The following PNPT1 variants were observed in gnomAD, a reference collection of about 807,000 sequenced individuals.
The protein encoded by PNPT1 is polyribonucleotide nucleotidyltransferase 1, mitochondrial.
PNPT1 carries 53 observed loss-of-function variants against 119.5 expected under a neutral mutation model. That is an observed-to-expected ratio of 0.44 (90% CI 0.36 to 0.56). PNPT1 has a LOEUF of 0.56. Ranked by LOEUF, PNPT1 falls within the 20% of genes least tolerant of loss-of-function variation. The pLI is 0.00. For synonymous variants in PNPT1, 357 were observed against 322.1 expected (o/e 1.11, Z -1.16); for missense variants, 948 against 938.5 (o/e 1.01, Z -0.13).
Position 55,656,430 on chromosome 2 carries a change from T to C in PNPT1, c.1285-59A>G, listed in dbSNP as rs192366640. The C allele has an allele frequency of 3.4e-3, 4,923 of 1,439,578 alleles. 16 individuals carry two copies. The highest frequency in any genetic ancestry group is 3.6e-3 in the Non-Finnish European group (3,769 of 1,052,600). The allele number at this position is 1,439,578 out of a possible 1,614,324, so 89.2% of individuals were successfully genotyped here. On this transcript the variant is annotated intron_variant, in intron 15 of 27. Transcript: ENST00000447944. ...AATTGACATAGAAAGATGTCCAAGT[T>C]ATATTACCAAAATAATAAAACAACT...
intron 26 of PNPT1, 52 bp from the exon 27 acceptor site, chr2:55,637,651 C>T: frequency 7.2e-7 from 1 of 1,386,904 alleles, no homozygotes; most frequent in Non-Finnish European, 1.0e-6. Context: ...TATGTAGTGT[C>T]CATGGAAGTA....
chr2:55,646,594 A>C (rs1401455606), intron 19 of PNPT1, 108 bp from the exon 20 acceptor site: 1 of 801,184 alleles, frequency 1.2e-6, no homozygotes, highest in Non-Finnish European at 2.0e-6. Context: ...CCATATCCTA[A>C]GTCCAAACAC....
intron 22 of PNPT1, chr2:55,645,090 C>A (rs959447169): frequency 4.6e-5 from 12 of 260,282 alleles, no homozygotes; most frequent in Non-Finnish European, 8.6e-5. Flanking sequence ...GTGGCGCGAT[C>A]TCGGCTCACT....
Position 55,672,927 on chromosome 2 carries a change from T to G in PNPT1, c.832A>C (p.Thr278Pro). 6.2e-7 allele frequency: 1 copy of G among 1,609,222 alleles called. No individual in the cohort carries two copies. ...TATTTCACAATCTCTGGCGAAGGGGTAAATAACTTCTGAGGTGTCCTCTTG... is the reference window on the plus strand; with the variant it reads ...TATTTCACAATCTCTGGCGAAGGGGGAAATAACTTCTGAGGTGTCCTCTTG... ...VTKRTPQKLF[T>P]PSPEIVKYTH... Residue 278 changes from threonine to proline, a missense_variant, in exon 9 of 28, where the codon ACC becomes CCC. Physicochemically the swap from Thr to Pro is conservative, Grantham distance 38. Coordinates refer to ENST00000447944, the MANE Select transcript of PNPT1 (RefSeq NM_033109.5).
At chr2:55,659,881 G>A (rs1259718644) in intron 15 of PNPT1, among the ~76,000 whole-genome samples, 1 of 152,084 alleles carries the variant, frequency 6.6e-6, no homozygotes, top group African/African-American at 2.4e-5. Context: ...ACTGTATCCT[G>A]GAAGTTTTTA....
At chr2:55,684,807 G>C (rs899624492) in intron 4 of PNPT1, 136 bp downstream of exon 4, 3 of 1,161,670 alleles carry the variant, frequency 2.6e-6, no homozygotes, top group African/African-American at 1.6e-5. Context: ...TGAGGGAAGA[G>C]AAGGAGTGAA....
chr2:55,668,555 A>G (rs1008951313), intron 11 of PNPT1, among the ~76,000 whole-genome samples: 25 of 151,100 alleles, frequency 1.7e-4, no homozygotes, highest in African/African-American at 6.1e-4. Flanking sequence ...TCCCTTTTCT[A>G]TTATGTTACC....
chr2:55,645,191 T>A, intron 22 of PNPT1, 158 bp downstream of exon 22: 1 of 445,446 alleles, frequency 2.2e-6, no homozygotes, highest in South Asian at 2.6e-5. Context: ...GCCCGGCTAA[T>A]TTTTTGTATT....
intron 13 of PNPT1, among the ~76,000 whole-genome samples, chr2:55,664,078 G>A (rs1296732556): frequency 6.6e-6 from 1 of 152,172 alleles, no homozygotes; most frequent in Non-Finnish European, 1.5e-5. Context: ...TCTTCAGAAA[G>A]GAATAAAAAG....
At chr2:55,685,896 A>G (rs1697390734) in intron 3 of PNPT1, among the ~76,000 whole-genome samples, 1 of 152,210 alleles carries the variant, frequency 6.6e-6, no homozygotes, top group Admixed American at 6.5e-5. Flanking sequence ...TACAATGTAA[A>G]TTCTACATAA....
At chr2:55,667,118 C>T (rs768040861) in intron 12 of PNPT1, 25 bp from the exon 13 acceptor site, 14 of 1,540,412 alleles carry the variant, frequency 9.1e-6, no homozygotes. Context: ...GAAATAAGTA[C>T]ATTAAGTAAC....
At chr2:55,678,894 C>T (rs1257557268) in intron 8 of PNPT1, among the ~76,000 whole-genome samples, 1 of 152,268 alleles carries the variant, frequency 6.6e-6, no homozygotes, top group African/African-American at 2.4e-5. Flanking sequence ...ATTACTTGTA[C>T]AAAAAAGCAG....
At chr2:55,650,089 G>C (rs959252286) in intron 18 of PNPT1, among the ~76,000 whole-genome samples, 1 of 150,564 alleles carries the variant, frequency 6.6e-6, no homozygotes, top group Non-Finnish European at 1.5e-5. Flanking sequence ...GGGAAAGAAG[G>C]ATTGGTAAAG....
chr2:55,673,178 A>G, intron 8 of PNPT1, 99 bp from the exon 9 acceptor site: 2 of 949,222 alleles, frequency 2.1e-6, no homozygotes, highest in Non-Finnish European at 3.0e-6. Context: ...TTATGGATCA[A>G]TTTTACTTCT....
At chr2:55,661,602 C>T (rs1696578320) in intron 14 of PNPT1, among the ~76,000 whole-genome samples, 1 of 152,160 alleles carries the variant, frequency 6.6e-6, no homozygotes, top group Non-Finnish European at 1.5e-5. Flanking sequence ...AGATTATTTT[C>T]AGCAATGGGA....
intron 15 of PNPT1, among the ~76,000 whole-genome samples, chr2:55,657,378 ATT>A (rs1224771635): frequency 1.3e-5 from 2 of 149,106 alleles, no homozygotes; most frequent in East Asian, 3.9e-4. Context: ...ATTAACAAGA[ATT>A]TTTTTTTTGT....
intron 8 of PNPT1, among the ~76,000 whole-genome samples, chr2:55,674,832 A>G (rs777856843): frequency 5.9e-5 from 9 of 152,216 alleles, no homozygotes; most frequent in South Asian, 2.1e-4. Flanking sequence ...TTCTGATACC[A>G]TGATACTGAG....
chr2:55,684,996 A>G lies in PNPT1; in HGVS notation c.350T>C (p.Leu117Pro), dbSNP rs863224168. Residue 117 changes from leucine (L) to proline (P), a missense_variant, in exon 4 of 28, where the codon CTG (leucine) becomes CCG (proline). By Grantham distance (98) the Leu-to-Pro change is moderately conservative. Transcript: ENST00000447944. ...ATCAGAAGTACCAATCTCTCTTCTC[A>G]GATAGTTTGTGGGAATTCTACCTGC... ...AAAGRIPTNY[L>P]RREIGTSDKE... 3 of 1,595,400 alleles carry G rather than the reference A, an allele frequency of 1.9e-6. No homozygotes were observed. The highest frequency in any genetic ancestry group is 2.6e-6 in the Non-Finnish European group (3 of 1,166,562).
intron 18 of PNPT1, among the ~76,000 whole-genome samples, chr2:55,653,283 C>T (rs992732211): frequency 4.6e-5 from 7 of 152,170 alleles, no homozygotes; most frequent in Non-Finnish European, 2.9e-5. Flanking sequence ...AGAACGTTTT[C>T]TGTCCTTGGG....
Sources: allele counts gnomAD v4.1 joint callset (sites outside exome capture counted in the v4.1 genomes callset), GRCh38; gene constraint gnomAD v4.1.1; transcripts MANE v1.5; gene names NCBI Gene and HGNC (gene_info 2026-07-23, HGNC 2026-07-21).